The following DENND1B variants were observed in gnomAD, a reference collection of about 807,000 sequenced individuals.
DENND1B encodes DENN domain containing 1B.
Under a neutral mutation model 90.1 loss-of-function variants are expected in DENND1B, and 59 were observed. The ratio of observed to expected loss-of-function variants is 0.65; its 90% CI spans 0.53 to 0.81. The LOEUF (loss-of-function observed/expected upper bound fraction) is 0.81, where lower values mean the gene tolerates loss of function less well. Among genes scored for constraint, DENND1B ranks in the 40% least tolerant of loss-of-function variants. The pLI, the probability that DENND1B is intolerant of heterozygous loss-of-function variation, is 0.00. For missense variants in DENND1B, 862 were observed against 912.6 expected (o/e 0.94, Z 0.71); for synonymous variants, 337 against 324.6 (o/e 1.04, Z -0.41).
intron 3 of DENND1B, among the ~76,000 whole-genome samples, chr1:197,703,027 G>A (rs142716019): frequency 5.9e-5 from 9 of 151,726 alleles, no homozygotes; most frequent in Non-Finnish European, 8.8e-5. Flanking sequence ...TCACTCTGTC[G>A]CCTGGGCTGG....
intron 6 of DENND1B, among the ~76,000 whole-genome samples, chr1:197,657,564 AAAAAG>A (rs150797869): frequency 0.025 from 3,764 of 152,262 alleles, 161 homozygotes; most frequent in African/African-American, 0.085. Flanking sequence ...CTATTAACCA[AAAAAG>A]AAAAGAAAAG....
intron 20 of DENND1B, among the ~76,000 whole-genome samples, chr1:197,514,024 T>C (rs1558189840): frequency 6.6e-6 from 1 of 151,694 alleles, no homozygotes; most frequent in Admixed American, 6.6e-5. Context: ...TATCTCATTT[T>C]TGGTGGTACT....
chr1:197,646,525 A>T (rs926237081), intron 8 of DENND1B, among the ~76,000 whole-genome samples: 1 of 151,964 alleles, frequency 6.6e-6, no homozygotes, highest in African/African-American at 2.4e-5. Flanking sequence ...TTTTCTGTTC[A>T]TATTAATCTC....
chr1:197,518,755 A>G (rs1428416490), intron 20 of DENND1B, among the ~76,000 whole-genome samples: 1 of 151,900 alleles, frequency 6.6e-6, no homozygotes, highest in Non-Finnish European at 1.5e-5. Context: ...TGGTTGCCCC[A>G]ACATAAATAG....
At position 197,672,017 on chromosome 1, in the gene DENND1B, T is replaced by G; in HGVS notation, c.296+20A>C. 1 of 1,602,958 alleles carries G rather than the reference T, an allele frequency of 6.2e-7. No individual in the cohort carries two copies. The highest frequency in any genetic ancestry group is 8.5e-7 in the Non-Finnish European group (1 of 1,175,230). ...TAGTTACCTATTTTGCATCTAATTT[T>G]TTTTACTACAAATACTCACCTAAGG... On this transcript the variant is annotated intron_variant, in intron 5 of 22. Transcript: ENST00000620048.
chr1:197,643,612 C>A (rs1680478736), intron 9 of DENND1B, among the ~76,000 whole-genome samples: 1 of 152,136 alleles, frequency 6.6e-6, no homozygotes, highest in Non-Finnish European at 1.5e-5. Context: ...GCACAACGTA[C>A]CCAAAGGATG....
At chr1:197,663,139 T>C (rs1654590794) in intron 5 of DENND1B, among the ~76,000 whole-genome samples, 2 of 152,112 alleles carry the variant, frequency 1.3e-5, no homozygotes, top group South Asian at 4.1e-4. Context: ...AGACTCATAA[T>C]TGTATCATCT....
intron 3 of DENND1B, among the ~76,000 whole-genome samples, chr1:197,677,161 T>C (rs1172773990): frequency 1.3e-5 from 2 of 152,120 alleles, no homozygotes; most frequent in Non-Finnish European, 1.5e-5. Flanking sequence ...CAACCACTTT[T>C]GTCCTCCACT....
chr1:197,768,343 T>C (rs1170100961), intron 2 of DENND1B, among the ~76,000 whole-genome samples: 2 of 151,920 alleles, frequency 1.3e-5, no homozygotes, highest in Non-Finnish European at 2.9e-5. Context: ...AAAGCTAGAG[T>C]ACCAAGGCCA....
chr1:197,636,087 T>C (rs1026519123), intron 10 of DENND1B, among the ~76,000 whole-genome samples: 7 of 151,996 alleles, frequency 4.6e-5, no homozygotes, highest in Non-Finnish European at 1.0e-4. Context: ...AATCAGATAA[T>C]GGATAGTTTT....
chr1:197,524,688 G>A (rs1669015960), intron 20 of DENND1B, among the ~76,000 whole-genome samples: 1 of 152,134 alleles, frequency 6.6e-6, no homozygotes, highest in African/African-American at 2.4e-5. Context: ...CACAAAGTAG[G>A]TGTTCAGAGG....
intron 2 of DENND1B, among the ~76,000 whole-genome samples, chr1:197,751,571 C>T (rs145121598): frequency 0.011 from 1,706 of 152,132 alleles, 34 homozygotes; most frequent in African/African-American, 0.039. Context: ...CAGCCAGGCG[C>T]GGTGGCTCAC....
intron 9 of DENND1B, among the ~76,000 whole-genome samples, chr1:197,644,216 G>A (rs1216046863): frequency 6.6e-6 from 1 of 152,154 alleles, no homozygotes; most frequent in Non-Finnish European, 1.5e-5. Flanking sequence ...GTAATTTTTA[G>A]ATGGGGAATT....
intron 1 of DENND1B, among the ~76,000 whole-genome samples, chr1:197,773,423 C>A (rs1219687179): frequency 6.6e-6 from 1 of 152,198 alleles, no homozygotes; most frequent in African/African-American, 2.4e-5. Flanking sequence ...ATACATGGTT[C>A]CACCTGCCAA....
intron 15 of DENND1B, among the ~76,000 whole-genome samples, chr1:197,553,969 T>C (rs985716585): frequency 1.3e-5 from 2 of 152,070 alleles, no homozygotes; most frequent in African/African-American, 2.4e-5. Flanking sequence ...TATCTTCCAT[T>C]GCCTGTTCTG....
intron 15 of DENND1B, among the ~76,000 whole-genome samples, chr1:197,557,388 T>A (rs1671803122): frequency 3.3e-5 from 5 of 151,866 alleles, no homozygotes. Context: ...CTGGAAATAA[T>A]CCATCCATTT....
chr1:197,676,668 A>C (rs1656110341), intron 3 of DENND1B, among the ~76,000 whole-genome samples: 1 of 152,224 alleles, frequency 6.6e-6, no homozygotes, highest in Non-Finnish European at 1.5e-5. Context: ...AATAGGAATA[A>C]TAAAAAGAAT....
intron 16 of DENND1B, among the ~76,000 whole-genome samples, chr1:197,551,103 ACACACACACC>A (rs1185524451): frequency 1.8e-4 from 17 of 97,076 alleles, no homozygotes; most frequent in African/African-American, 4.5e-4. Flanking sequence ...ACACACACAC[ACACACACACC>A]CCCTAGATAG....
At chr1:197,622,968 C>A (rs995472728) in intron 10 of DENND1B, among the ~76,000 whole-genome samples, 1 of 151,208 alleles carries the variant, frequency 6.6e-6, no homozygotes, top group African/African-American at 2.4e-5. Flanking sequence ...AGTATAATCA[C>A]CACTATGAAA....
Sources: gnomAD v4.1 joint callset for allele counts (sites outside exome capture counted in the v4.1 genomes callset) on GRCh38, gnomAD v4.1.1 for gene constraint, MANE v1.5 for transcripts, NCBI Gene and HGNC (gene_info 2026-07-23, HGNC 2026-07-21) for gene names.